LUZP2: variants seen among roughly 807,000 people sequenced by gnomAD.
The protein encoded by LUZP2 is leucine zipper protein 2.
LUZP2 carries 52 observed loss-of-function variants against 51.6 expected under a neutral mutation model. That is an observed-to-expected ratio of 1.01 (90% CI 0.81 to 1.27). LUZP2 has a LOEUF of 1.27. Ranked by LOEUF, LUZP2 falls within the 50% of genes most tolerant of loss-of-function variation. LUZP2 has a pLI of 0.00. For missense variants in LUZP2, 436 were observed against 395.4 expected (o/e 1.10, Z -0.87); for synonymous variants, 154 against 137.3 (o/e 1.12, Z -0.85).
chr11:25,044,546 AC>A, intron 9 of LUZP2, among the ~76,000 whole-genome samples: 1 of 152,074 alleles, frequency 6.6e-6, no homozygotes, highest in Non-Finnish European at 1.5e-5. Context: ...TAACTTTTAT[AC>A]TTTTGTGCTC....
At chr11:24,786,190 T>C in intron 5 of LUZP2, 1 of 965,854 alleles carries the variant, frequency 1.0e-6, no homozygotes, top group South Asian at 4.8e-5. Flanking sequence ...AGAAGCATAT[T>C]ATATATTTTA....
At chr11:25,006,532 T>C (rs1242492243) in intron 9 of LUZP2, among the ~76,000 whole-genome samples, 2 of 152,166 alleles carry the variant, frequency 1.3e-5, no homozygotes, top group Non-Finnish European at 2.9e-5. Flanking sequence ...TTGTTAGCCC[T>C]TTCCCAGAAA....
At position 24,984,549 on chromosome 11, in the gene LUZP2, T is replaced by TAAAA. The variant is rs1316509266; in HGVS notation, c.765+1258_765+1259insAAAA. ...TTATATATATATATATATATATATA[T>TAAAA]AATTGTGAATTTTAAAAGCCACAAG... On this transcript the variant is annotated intron_variant, in intron 9 of 11. Coordinates refer to ENST00000336930, the MANE Select transcript of LUZP2 (RefSeq NM_001009909.4). Among the ~76,000 whole-genome samples the TAAAA allele has an allele frequency of 1.4e-3, 100 of 71,214 alleles. 1 individual carries two copies. The highest frequency in any genetic ancestry group is 4.5e-3 in the African/African-American group (94 of 20,882). The allele number at this position is 71,214 out of a possible 152,430, so 46.7% of individuals were successfully genotyped here.
In LUZP2 at chr11:24,535,100, A is replaced by C. The variant is rs551155156; in HGVS notation, c.62+37795A>C. 7.3e-5 allele frequency among the ~76,000 whole-genome samples: 11 copies of C among 149,956 alleles called. No individual in the cohort carries two copies. The East Asian group carries it at 1.6e-3, about 22-fold the overall frequency. On this transcript the variant is annotated intron_variant, in intron 1 of 11. Coordinates refer to ENST00000336930, the MANE Select transcript of LUZP2 (RefSeq NM_001009909.4). ...TTAAGTGTGCAATATCATTATGTCT[A>C]AAATGTCTAGGGTTAATTAAAAAAT...
intron 5 of LUZP2, among the ~76,000 whole-genome samples, chr11:24,829,162 GA>G (rs1850624712): frequency 6.6e-6 from 1 of 152,128 alleles, no homozygotes; most frequent in Non-Finnish European, 1.5e-5. Flanking sequence ...CTGCTTCAGA[GA>G]ACAAACAAAA....
intron 5 of LUZP2, among the ~76,000 whole-genome samples, chr11:24,835,609 G>A (rs1850840442): frequency 6.6e-6 from 1 of 152,004 alleles, no homozygotes; most frequent in Non-Finnish European, 1.5e-5. Context: ...GATAATTAAG[G>A]ATTAGAGAGG....
At position 24,632,511 on chromosome 11, in the gene LUZP2, A is replaced by G. The variant is rs1003267363; in HGVS notation, c.63-96658A>G. Among the ~76,000 whole-genome samples, 24 of 152,012 alleles carry G rather than the reference A, an allele frequency of 1.6e-4. 2 individuals are homozygous for G. The highest frequency in any genetic ancestry group is 1.5e-5 in the Non-Finnish European group (1 of 67,928). On this transcript the variant is annotated intron_variant, in intron 1 of 11. Coordinates refer to ENST00000336930, the MANE Select transcript of LUZP2 (RefSeq NM_001009909.4). ...GAGTTCTATTATCAGCACAGGTATTACAAGTATGATTTTTAATGTATGGCC... is the reference window on the plus strand; with the variant it reads ...GAGTTCTATTATCAGCACAGGTATTGCAAGTATGATTTTTAATGTATGGCC...
intron 1 of LUZP2, among the ~76,000 whole-genome samples, chr11:24,706,016 C>T (rs1394788121): frequency 4.0e-5 from 6 of 151,644 alleles, no homozygotes; most frequent in Admixed American, 1.3e-4. Context: ...GGGCTTGTAA[C>T]GCCCAGGGTG....
chr11:24,837,734 G>A (rs79244783), intron 5 of LUZP2, among the ~76,000 whole-genome samples: 1,605 of 151,592 alleles, frequency 0.011, 33 homozygotes, highest in African/African-American at 0.037. Flanking sequence ...ATATATATTT[G>A]GGGTTGCTTT....
intron 1 of LUZP2, among the ~76,000 whole-genome samples, chr11:24,672,419 A>G (rs1238942725): frequency 6.6e-6 from 1 of 152,210 alleles, no homozygotes; most frequent in Non-Finnish European, 1.5e-5. Context: ...TATTTATTAC[A>G]AAATTACTGT....
Position 24,803,996 on chromosome 11 carries a change from GAA to G in LUZP2, c.396+40706_396+40707del, listed in dbSNP as rs75845899. On this transcript the variant is annotated intron_variant, in intron 5 of 11. Coordinates refer to ENST00000336930, the MANE Select transcript of LUZP2 (RefSeq NM_001009909.4). ...GTACAAACAAGCAAGTGCCATAAAG[GAA>G]AAAAAAAAAAAAAAAAACTAGGAAT... Among the ~76,000 whole-genome samples, 239 of 106,052 alleles carry G rather than the reference GAA, an allele frequency of 2.3e-3. 1 individual carries two copies. Among genetic ancestry groups the G allele is most frequent in the African/African-American group, 6.2e-3 (189 of 30,548 alleles). 69.6% of individuals were successfully genotyped at this position (106,052 alleles called of 152,430 possible).
chr11:24,867,562 C>T (rs543988441), intron 5 of LUZP2, among the ~76,000 whole-genome samples: 1 of 152,188 alleles, frequency 6.6e-6, no homozygotes, highest in Non-Finnish European at 1.5e-5. Flanking sequence ...CTTGGAGTTC[C>T]TTTGGCTGGA....
intron 1 of LUZP2, among the ~76,000 whole-genome samples, chr11:24,592,595 C>T (rs1055279469): frequency 2.0e-5 from 3 of 151,582 alleles, no homozygotes; most frequent in Non-Finnish European, 2.9e-5. Context: ...TTATTTTCCT[C>T]GAATAGTCTT....
At chr11:24,849,705 T>C (rs72470826) in intron 5 of LUZP2, among the ~76,000 whole-genome samples, 18,004 of 152,190 alleles carry the variant, frequency 0.12, 1,257 homozygotes, top group South Asian at 0.19. Context: ...CACCATGCTG[T>C]CTTCCACAAT....
chr11:24,814,557 G>GA (rs1850116212), intron 5 of LUZP2, among the ~76,000 whole-genome samples: 1 of 152,262 alleles, frequency 6.6e-6, no homozygotes, highest in Admixed American at 6.5e-5. Flanking sequence ...TACTTCTAGA[G>GA]AAAGTCCTTC....
At chr11:24,562,933 G>T (rs1289774086) in intron 1 of LUZP2, among the ~76,000 whole-genome samples, 2 of 151,932 alleles carry the variant, frequency 1.3e-5, no homozygotes, top group Non-Finnish European at 2.9e-5. Flanking sequence ...TGATGAAAGG[G>T]TAAGATTGTG....
chr11:24,692,367 A>C (rs1057043497), intron 1 of LUZP2, among the ~76,000 whole-genome samples: 8 of 152,082 alleles, frequency 5.3e-5, no homozygotes, highest in African/African-American at 1.9e-4. Context: ...AGTCACAAGC[A>C]GGTGATACAA....
chr11:24,893,953 A>C lies in LUZP2; in HGVS notation c.397-12038A>C, dbSNP rs1590698877. On this transcript the variant is annotated intron_variant, in intron 5 of 11. Coordinates refer to ENST00000336930, the MANE Select transcript of LUZP2 (RefSeq NM_001009909.4). ...TAGTAGAGATTTTTGGTAGCTATAT[A>C]ATTTTGATTGTACATTCTGTGTTTC... Among the ~76,000 whole-genome samples, 4 of 152,248 alleles carry C rather than the reference A, an allele frequency of 2.6e-5. No individual in the cohort carries two copies. In the South Asian group the frequency reaches 6.2e-4, roughly 24 times the overall value.
chr11:25,074,952 C>G (rs1859258533), intron 10 of LUZP2, among the ~76,000 whole-genome samples: 1 of 152,132 alleles, frequency 6.6e-6, no homozygotes. Flanking sequence ...GAACTCCACT[C>G]TTACCAAGTG....
Sources: allele counts gnomAD v4.1 joint callset (sites outside exome capture counted in the v4.1 genomes callset), GRCh38; gene constraint gnomAD v4.1.1; transcripts MANE v1.5; gene names NCBI Gene and HGNC (gene_info 2026-07-23, HGNC 2026-07-21).